The following CCDC22 variants were observed in gnomAD, a reference collection of about 807,000 sequenced individuals.
CCDC22 encodes CCC complex scaffolding subunit CCDC22.
A neutral mutation model predicts 53.1 loss-of-function variants in CCDC22; 4 were observed. The observed-to-expected ratio is 0.08, with a 90% confidence interval of 0.04 to 0.17. The LOEUF is 0.17. Ranked by LOEUF, CCDC22 falls within the 10% of genes least tolerant of loss-of-function variation. CCDC22 has a pLI of 1.00. For synonymous variants in CCDC22, 222 were observed against 224.4 expected (o/e 0.99, Z 0.10); for missense variants, 458 against 554.0 (o/e 0.83, Z 1.74).
At chrX:49,246,455 T>C (rs1261367002) in intron 6 of CCDC22, among the ~76,000 whole-genome samples, 1 of 111,779 alleles carries the variant, frequency 8.9e-6, no homozygotes, top group Non-Finnish European at 1.9e-5. Context: ...ATTTGGGGGC[T>C]CTAGGCCCAC....
chrX:49,245,593 G>A (rs957582431), intron 6 of CCDC22, among the ~76,000 whole-genome samples: 1 of 111,536 alleles, frequency 9.0e-6, no homozygotes, highest in Non-Finnish European at 1.9e-5. Flanking sequence ...GGATGGTCTC[G>A]ATCTCTTGAC....
In CCDC22 at chrX:49,247,574, T is replaced by G. The variant is rs782173586; in HGVS notation, c.972+16T>G. 1 of 1,192,320 alleles carries G rather than the reference T, an allele frequency of 8.4e-7. No homozygotes were observed. Among genetic ancestry groups the G allele is most frequent in the East Asian group, 3.1e-5 (1 of 32,693 alleles). On this transcript the variant is annotated intron_variant, in intron 8 of 16. Transcript: ENST00000376227. ...GCCTGAACAGGTGAGCAGAGTGGTT[T>G]GGAGGGGGGTGTCCCAGGCCCTTGC... is the stretch of plus-strand genomic sequence containing the variant.
In CCDC22 at chrX:49,250,374, C is replaced by T. The variant is rs781811940; in HGVS notation, c.*113C>T. 11 of 527,087 alleles carry T rather than the reference C, an allele frequency of 2.1e-5. No homozygotes were observed. The highest frequency in any genetic ancestry group is 1.5e-4 in the East Asian group (4 of 27,513). The allele number at this position is 527,087 out of a possible 1,213,427, so 43.4% of individuals were successfully genotyped here. ...CTCCGCTGTCCAGTTCCTCCTGCTG[C>T]GGCCTTGGACCCAGACCCCTGCCCA... On this transcript the variant is annotated 3_prime_UTR_variant, in exon 17 of 17. Coordinates refer to ENST00000376227, the MANE Select transcript of CCDC22 (RefSeq NM_014008.5).
chrX:49,241,807 G>A (rs1382742834), intron 2 of CCDC22, among the ~76,000 whole-genome samples: 2 of 111,527 alleles, frequency 1.8e-5, no homozygotes, highest in African/African-American at 6.5e-5. Flanking sequence ...GTCATAGAAA[G>A]GCCAGAGCTT....
rs2065993729 is a variant in CCDC22 at position 49,246,967 on chromosome X, C to A, written c.909+42C>A. ...ACATGAGATGTGTGGATGGGCGTGG[C>A]AGGCTTGGAGGGTGGCTTTTTGTGT... On this transcript the variant is annotated intron_variant, in intron 7 of 16. Transcript: ENST00000376227. 5 of 1,088,701 alleles carry A rather than the reference C, an allele frequency of 4.6e-6. No homozygotes were observed. The African/African-American group carries it at 7.2e-5, about 16-fold the overall frequency. 89.7% of individuals were successfully genotyped at this position (1,088,701 alleles called of 1,213,427 possible). A position where few individuals can be genotyped will look rare whatever the true frequency, so the allele number is the denominator to read the frequency against.
At chrX:49,240,563 T>G (rs2065959011) in intron 2 of CCDC22, among the ~76,000 whole-genome samples, 1 of 111,181 alleles carries the variant, frequency 9.0e-6, no homozygotes, top group African/African-American at 3.3e-5. Flanking sequence ...TCCAAAAAAA[T>G]AAAAAACAGG....
chrX:49,247,744 G>T lies in CCDC22; in HGVS notation c.1068G>T (p.Lys356Asn). The T allele has an allele frequency of 8.3e-7, 1 of 1,211,257 alleles. No individual in the cohort carries two copies. The highest frequency in any genetic ancestry group is 1.1e-6 in the Non-Finnish European group (1 of 895,249). Residue 356 changes from lysine to asparagine, a missense_variant, in exon 9 of 17, where the codon AAG becomes AAT. Physicochemically the swap from Lys to Asn is moderately conservative, Grantham distance 94. Around this residue, in one of 4 missense-constraint regions of CCDC22, gnomAD observed 309 missense variants for 312.3 expected, o/e 0.99. Transcript: ENST00000376227. ...RSIEEVEADM[K>N]TLGVSFVQAE... is the part of the protein sequence containing the mutation. ...TTGAGGAGGTTGAGGCCGACATGAA[G>T]ACCCTGGGCGTCAGCTTTGTGCAGG...
intron 16 of CCDC22, 101 bp downstream of exon 16, chrX:49,249,826 GACAC>G: frequency 4.1e-6 from 3 of 736,903 alleles, no homozygotes; most frequent in Non-Finnish European, 6.2e-6. Flanking sequence ...CCGATGGCTG[GACAC>G]CCAGCCCTGC....
intron 6 of CCDC22, among the ~76,000 whole-genome samples, chrX:49,244,300 T>A (rs1448893159): frequency 9.1e-6 from 1 of 109,858 alleles, no homozygotes; most frequent in Non-Finnish European, 1.9e-5. Flanking sequence ...TCTTTATCTG[T>A]CCCCTCTTCT....
At chrX:49,235,853 A>ACACACG (rs1178219288) in intron 1 of CCDC22, among the ~76,000 whole-genome samples, 167 bp downstream of exon 1, 11 of 106,025 alleles carry the variant, frequency 1.0e-4, no homozygotes, top group Non-Finnish European at 2.0e-4. Flanking sequence ...ACACACACAC[A>ACACACG]CACACACACA....
intron 3 of CCDC22, among the ~76,000 whole-genome samples, 173 bp from the exon 4 acceptor site, chrX:49,242,713 C>G (rs999576340): frequency 9.0e-6 from 1 of 111,320 alleles, no homozygotes; most frequent in African/African-American, 3.3e-5. Flanking sequence ...TCTAGAACAG[C>G]GACCTGTACA....
chrX:49,247,224 G>GC, intron 7 of CCDC22: 1 of 438,708 alleles, frequency 2.3e-6, no homozygotes, highest in Non-Finnish European at 4.0e-6. Flanking sequence ...CACTCTGAGG[G>GC]CCCCCCATCC....
intron 3 of CCDC22, chrX:49,242,368 C>T (rs1055738085): frequency 2.9e-5 from 21 of 736,316 alleles, no homozygotes; most frequent in African/African-American, 1.9e-4. Context: ...TGCGTTGGTG[C>T]GGGGAGGGGC....
At chrX:49,237,284 T>C (rs1557112873) in intron 2 of CCDC22, 21 bp downstream of exon 2, 1 of 1,170,786 alleles carries the variant, frequency 8.5e-7, no homozygotes, top group African/African-American at 1.8e-5. Context: ...CTCCTCCTAA[T>C]GCACACATCC....
rs111644995 is a variant in CCDC22 at position 49,246,099 on chromosome X, C to T, written c.715-632C>T. Among the ~76,000 whole-genome samples the T allele has an allele frequency of 4.2e-3, 465 of 110,839 alleles. 5 individuals carry two copies. The highest frequency in any genetic ancestry group is 5.7e-3 in the Non-Finnish European group (301 of 52,963). On this transcript the variant is annotated intron_variant, in intron 6 of 16. Coordinates refer to ENST00000376227, the MANE Select transcript of CCDC22 (RefSeq NM_014008.5). ...TTCCTGGGTTCAAGCCATTCTCCTGCCTCAGCCCCCAAGTAGCTGGAATTA... is the reference window on the plus strand; with the variant it reads ...TTCCTGGGTTCAAGCCATTCTCCTGTCTCAGCCCCCAAGTAGCTGGAATTA...
At chrX:49,248,552 G>A (rs782121051) in intron 11 of CCDC22, 29 bp downstream of exon 11, 77 of 1,192,129 alleles carry the variant, frequency 6.5e-5, no homozygotes, top group Middle Eastern at 4.6e-4. Flanking sequence ...GGCTGTGGGC[G>A]GGCCAGGGCA....
At position 49,237,158 on chromosome X, in the gene CCDC22, C is replaced by T; in HGVS notation, c.123C>T (p.Cys41=). 8.3e-7 allele frequency: 1 copy of T among 1,211,961 alleles called. No homozygotes were observed. Among genetic ancestry groups the T allele is most frequent in the Non-Finnish European group, 1.1e-6 (1 of 895,362 alleles). The change falls in exon 2 of 17, where the codon TGC becomes TGT. Residue 41 remains cysteine (C), a synonymous_variant. Coordinates refer to ENST00000376227, the MANE Select transcript of CCDC22 (RefSeq NM_014008.5). ...TELVVEAVVR[C]LRVINPAVGS... Reference sequence around the variant, plus strand: ...TGGTTGTAGAGGCTGTGGTCCGCTGCCTGCGTGTGATCAACCCTGCGGTGG... The same window carrying T: ...TGGTTGTAGAGGCTGTGGTCCGCTGTCTGCGTGTGATCAACCCTGCGGTGG...
At chrX:49,241,092 C>T (rs1042645789) in intron 2 of CCDC22, among the ~76,000 whole-genome samples, 7 of 111,995 alleles carry the variant, frequency 6.3e-5, no homozygotes, top group Non-Finnish European at 5.6e-5. Context: ...AGTGATCTGC[C>T]TGAGGTCGTA....
chrX:49,247,786 G>A lies in CCDC22; in HGVS notation c.1092+18G>A. Reference sequence around the variant, plus strand: ...TTGTGCAGGTAAGGGGCGGAGGAGGGGCTGCGCGTTGGGCTAGGTCAGAAG... The same window carrying A: ...TTGTGCAGGTAAGGGGCGGAGGAGGAGCTGCGCGTTGGGCTAGGTCAGAAG... On this transcript the variant is annotated intron_variant, in intron 9 of 16. Transcript: ENST00000376227. The A allele has an allele frequency of 8.3e-7, 1 of 1,210,458 alleles. No individual in the cohort carries two copies.
Sources: allele counts gnomAD v4.1 joint callset (sites outside exome capture counted in the v4.1 genomes callset), GRCh38; gene constraint gnomAD v4.1.1; regional missense constraint gnomAD v4.1.1; transcripts MANE v1.5; gene names NCBI Gene and HGNC (gene_info 2026-07-23, HGNC 2026-07-21).